The following DHRS4L2 variants were observed in gnomAD, a reference collection of about 807,000 sequenced individuals.
DHRS4L2 encodes the protein dehydrogenase/reductase 4 like 2, also known as dehydrogenase/reductase SDR family member 4-like 2.
DHRS4L2 carries 22 observed loss-of-function variants against 23.9 expected under a neutral mutation model. The ratio of observed to expected loss-of-function variants is 0.92; its 90% CI spans 0.66 to 1.31. The LOEUF (loss-of-function observed/expected upper bound fraction) is 1.31. Ranked by LOEUF, DHRS4L2 falls within the 40% of genes most tolerant of loss-of-function variation. The pLI, the probability that DHRS4L2 is intolerant of heterozygous loss-of-function variation, is 0.00. For missense variants in DHRS4L2, 385 were observed against 303.3 expected, an observed-to-expected ratio of 1.27 and a Z score of -2.00; for synonymous variants, 141 against 123.7, an observed-to-expected ratio of 1.14 and a Z score of -0.93.
chr14:23,972,254 A>T (rs1158459279), intron 1 of DHRS4L2, among the ~76,000 whole-genome samples: 2 of 151,966 alleles, frequency 1.3e-5, no homozygotes, highest in Non-Finnish European at 2.9e-5. Context: ...AGACATGTTC[A>T]GAGTTTCTTC....
In DHRS4L2 at chr14:23,990,259, T is replaced by G. The variant is rs1446938034; in HGVS notation, c.206T>G (p.Val69Gly). 6.2e-7 allele frequency: 1 copy of G among 1,612,646 alleles called. No homozygotes were observed. The highest frequency in any genetic ancestry group is 8.5e-7 in the Non-Finnish European group (1 of 1,179,348). The change falls in exon 2 of 8, where the codon GTG (valine) becomes GGG (glycine). Residue 69 changes from valine (V) to glycine (G), a missense_variant. By Grantham distance (109) the Val-to-Gly change is moderately radical. Coordinates refer to ENST00000335125, the MANE Select transcript of DHRS4L2 (RefSeq NM_198083.4). ...GTCAGCAGCCGGAAGCAGCAGAATG[T>G]GGACCAGGCGGTGGCCACGCTGCAG... ...VVVSSRKQQN[V>G]DQAVATLQGE...
chr14:23,972,187 G>T (rs765323964), intron 1 of DHRS4L2, among the ~76,000 whole-genome samples: 1 of 151,916 alleles, frequency 6.6e-6, no homozygotes, highest in Non-Finnish European at 1.5e-5. Context: ...GGACCCTCGC[G>T]GTGAGTGTTA....
At position 23,990,201 on chromosome 14, in the gene DHRS4L2, C is replaced by G. The variant is rs766123637; in HGVS notation, c.148C>G (p.Arg50Gly). 1.2e-6 allele frequency: 2 copies of G among 1,612,772 alleles called. No individual in the cohort carries two copies. The highest frequency in any genetic ancestry group is 1.7e-6 in the Non-Finnish European group (2 of 1,179,322). The change falls in exon 2 of 8, where the codon CGG (arginine) becomes GGG (glycine). Residue 50 changes from arginine (R) to glycine (G), a missense_variant. Coordinates refer to ENST00000335125, the MANE Select transcript of DHRS4L2 (RefSeq NM_198083.4). ...TCACAGGATCGGCTTCGCCATCGCC[C>G]GGCGTTTGGCCCAGGACAGGGCCCA... ...STDGIGFAIARRLAQDRAHVV... is the reference protein window; with the variant it reads ...STDGIGFAIAGRLAQDRAHVV...
intron 1 of DHRS4L2, among the ~76,000 whole-genome samples, chr14:23,971,514 C>G (rs2033857470): frequency 6.6e-6 from 1 of 151,910 alleles, no homozygotes; most frequent in African/African-American, 2.4e-5. Flanking sequence ...AAAGATACTC[C>G]TTGAGAAGAG....
chr14:23,988,959 C>A lies in DHRS4L2; in HGVS notation c.12C>A (p.Ala4=). MQM[A]RLLGLCAWAR... ...TGCTGGTCTGATCCATGCAGATGGC[C>A]AGGCTGCTAGGCCTCTGTGCCTGGG... Residue 4 remains alanine (A), a synonymous_variant, in exon 1 of 8, where the codon GCC becomes GCA. Transcript: ENST00000335125. 1 of 1,612,180 alleles carries A rather than the reference C, an allele frequency of 6.2e-7. No homozygotes were observed. Among genetic ancestry groups the A allele is most frequent in the Non-Finnish European group, 8.5e-7 (1 of 1,179,164 alleles).
chr14:23,999,367 A>AAAAAAAAAACAAAAC lies in DHRS4L2; in HGVS notation c.409-1489_409-1488insAACAAAACAAAAAAA, dbSNP rs1555330042. Among the ~76,000 whole-genome samples the AAAAAAAAAACAAAAC allele has an allele frequency of 9.2e-4, 108 of 116,774 alleles. 1 individual carries two copies. Among genetic ancestry groups the AAAAAAAAAACAAAAC allele is most frequent in the Non-Finnish European group, 1.4e-3 (77 of 55,910 alleles). 76.6% of individuals were successfully genotyped at this position (116,774 alleles called of 152,430 possible). On this transcript the variant is annotated intron_variant, in intron 3 of 7. Transcript: ENST00000335125. Reference sequence around the variant, plus strand: ...TGTAAAAAAAAAAAAAAAAAAAAAAAAAAAAAACAATATCTGCAAAGCATA... The same window carrying AAAAAAAAAACAAAAC: ...TGTAAAAAAAAAAAAAAAAAAAAAAAAAAAAAAAACAAAACAAAAAAACAATATCTGCAAAGCATA...
In DHRS4L2 at chr14:23,990,210, G is replaced by T; in HGVS notation, c.157G>T (p.Ala53Ser). Residue 53 changes from alanine (A) to serine (S), a missense_variant, in exon 2 of 8, where the codon GCC becomes TCC. Physicochemically the swap from Ala to Ser is moderately conservative, Grantham distance 99 (BLOSUM62 1). Transcript: ENST00000335125. ...GIGFAIARRL[A>S]QDRAHVVVSS... ...CGGCTTCGCCATCGCCCGGCGTTTG[G>T]CCCAGGACAGGGCCCACGTGGTCGT... is the stretch of plus-strand genomic sequence containing the variant. 6.2e-7 allele frequency: 1 copy of T among 1,612,812 alleles called. No individual in the cohort carries two copies. Among genetic ancestry groups the T allele is most frequent in the Non-Finnish European group, 8.5e-7 (1 of 1,179,360 alleles).
chr14:23,991,351 A>G (rs1187086038), intron 2 of DHRS4L2, among the ~76,000 whole-genome samples: 39 of 151,722 alleles, frequency 2.6e-4, no homozygotes, highest in Non-Finnish European at 4.9e-4. Context: ...CTGGTCGACA[A>G]AGCCCAAGAT....
At chr14:23,999,344 T>TAAC in intron 3 of DHRS4L2, among the ~76,000 whole-genome samples, 1 of 53,676 alleles carries the variant, frequency 1.9e-5, no homozygotes, top group South Asian at 9.2e-4. Context: ...CTCCAATTTG[T>TAAC]AAAAAAAAAA....
At chr14:23,970,356 G>C (rs953520231) in intron 1 of DHRS4L2, 14 of 417,580 alleles carry the variant, frequency 3.4e-5, no homozygotes, top group African/African-American at 1.5e-4. Flanking sequence ...GGCGGTGGGG[G>C]GCGGGGGGCC....
intron 3 of DHRS4L2, among the ~76,000 whole-genome samples, chr14:23,999,211 A>T (rs1307960938): frequency 6.6e-6 from 1 of 150,420 alleles, no homozygotes; most frequent in African/African-American, 2.4e-5. Context: ...AGATCACCGT[A>T]ACAGATATAA....
chr14:23,985,214 G>C (rs2034118807), upstream of DHRS4L2, among the ~76,000 whole-genome samples: 1 of 151,622 alleles, frequency 6.6e-6, no homozygotes, highest in South Asian at 2.1e-4. Context: ...ATAGCCTTCA[G>C]TGGAATGCTG....
intron 7 of DHRS4L2, among the ~76,000 whole-genome samples, chr14:24,005,595 A>G (rs2034556567): frequency 1.3e-5 from 2 of 152,146 alleles, no homozygotes. Flanking sequence ...ATTGCTCACC[A>G]TTTTATCTAT....
At chr14:23,984,326 A>G (rs1430248115), upstream of DHRS4L2, among the ~76,000 whole-genome samples, 2 of 151,680 alleles carry the variant, frequency 1.3e-5, no homozygotes, top group Non-Finnish European at 2.9e-5. Context: ...TAATTTAATG[A>G]ACAGATGTGT....
At chr14:23,982,370 A>C (rs2034070440) in intron 1 of DHRS4L2, among the ~76,000 whole-genome samples, 1 of 151,696 alleles carries the variant, frequency 6.6e-6, no homozygotes, top group Non-Finnish European at 1.5e-5. Flanking sequence ...CTAAAGTTAC[A>C]GATTAACAGC....
At chr14:23,971,069 C>T (rs895881570) in intron 1 of DHRS4L2, among the ~76,000 whole-genome samples, 21 of 152,166 alleles carry the variant, frequency 1.4e-4, no homozygotes, top group Admixed American at 3.3e-4. Flanking sequence ...GCTGAAACTT[C>T]CAGAAACCAG....
intron 6 of DHRS4L2, among the ~76,000 whole-genome samples, 174 bp from the exon 7 acceptor site, chr14:24,004,163 G>A (rs1176867151): frequency 7.5e-5 from 11 of 145,932 alleles, no homozygotes; most frequent in Non-Finnish European, 1.7e-4. Context: ...CCAGCTACTC[G>A]GGAGGCTGAG....
intron 2 of DHRS4L2, among the ~76,000 whole-genome samples, chr14:23,994,411 G>A (rs1417221475): frequency 2.6e-5 from 4 of 151,664 alleles, no homozygotes; most frequent in Non-Finnish European, 4.4e-5. Flanking sequence ...AAGAAATAGG[G>A]CCAACTTCCT....
In DHRS4L2 at chr14:23,990,297, A is replaced by C. The variant is rs755074388; in HGVS notation, c.244A>C (p.Ser82Arg). 7 of 1,612,270 alleles carry C rather than the reference A, an allele frequency of 4.3e-6. No individual in the cohort carries two copies. In the Admixed American group the frequency reaches 1.2e-4, roughly 27 times the overall value. ...GGCCACGCTGCAGGGGGAGGGGCTGAGCGTGACGGGCACTGTGTGCCATGT... is the reference window on the plus strand; with the variant it reads ...GGCCACGCTGCAGGGGGAGGGGCTGCGCGTGACGGGCACTGTGTGCCATGT... ...AVATLQGEGL[S>R]VTGTVCHVGK... Residue 82 changes from serine (S) to arginine (R), a missense_variant, in exon 2 of 8, where the codon AGC becomes CGC. Coordinates refer to ENST00000335125, the MANE Select transcript of DHRS4L2 (RefSeq NM_198083.4).
Sources: gnomAD v4.1 joint callset for allele counts (sites outside exome capture counted in the v4.1 genomes callset) on GRCh38, gnomAD v4.1.1 for gene constraint, MANE v1.5 for transcripts, NCBI Gene and HGNC (gene_info 2026-07-23, HGNC 2026-07-21) for gene names.